Variants in FGFR2 observed in about 807,000 individuals in gnomAD.
FGFR2 encodes BEK fibroblast growth factor receptor.
In FGFR2, 19 loss-of-function variants were observed where a neutral mutation model predicts 95.9. The ratio of observed to expected loss-of-function variants is 0.20; its 90% CI spans 0.14 to 0.29. FGFR2 has a LOEUF of 0.29. FGFR2 is among the 10% of genes least tolerant of loss of function. The pLI, the probability that FGFR2 is intolerant of heterozygous loss-of-function variation, is 1.00. For synonymous variants in FGFR2, 392 were observed against 393.3 expected (o/e 1.00, Z 0.04); for missense variants, 707 against 1,056.9 (o/e 0.67, Z 4.59).
rs779800206 is a variant in FGFR2, at chr10:121,593,883, T to C, written c.-66A>G. ...GTGGACGTTAATCCCATCTGCACAC[T>C]TCCTCTACGGGCATGGACTACGCGC... On this transcript the variant is annotated 5_prime_UTR_variant, in exon 2 of 18. Transcript: ENST00000358487. The C allele has an allele frequency of 2.1e-6, 3 of 1,448,552 alleles. No homozygotes were observed. Among genetic ancestry groups the C allele is most frequent in the South Asian group, 1.1e-5 (1 of 87,720 alleles). The allele number at this position is 1,448,552 out of a possible 1,614,324, so 89.7% of individuals were successfully genotyped here.
chr10:121,540,335 G>A (rs910694940), intron 5 of FGFR2, among the ~76,000 whole-genome samples: 6 of 152,154 alleles, frequency 3.9e-5, no homozygotes, highest in African/African-American at 7.2e-5. Flanking sequence ...ACAAAGACTC[G>A]CTTTCTGCTC....
intron 4 of FGFR2, among the ~76,000 whole-genome samples, chr10:121,555,678 A>G (rs1856033940): frequency 6.6e-6 from 1 of 152,212 alleles, no homozygotes; most frequent in Non-Finnish European, 1.5e-5. Context: ...TGAGCTGGTT[A>G]AAGAACAGTC....
intron 8 of FGFR2, 85 bp from the exon 9 acceptor site, chr10:121,515,404 G>A: frequency 7.3e-7 from 1 of 1,363,194 alleles, no homozygotes; most frequent in Non-Finnish European, 1.0e-6. Flanking sequence ...CACAACCAAA[G>A]GAACCAAAAG....
intron 2 of FGFR2, among the ~76,000 whole-genome samples, chr10:121,591,394 G>A (rs1052211118): frequency 1.2e-4 from 19 of 152,188 alleles, no homozygotes; most frequent in African/African-American, 4.6e-4. Context: ...GGCGACAACG[G>A]CGACAAGGCC....
chr10:121,562,601 A>T (rs1383384994), intron 4 of FGFR2, among the ~76,000 whole-genome samples: 1 of 152,206 alleles, frequency 6.6e-6, no homozygotes, highest in Non-Finnish European at 1.5e-5. Flanking sequence ...ATCTTTTAGT[A>T]GGTAAACGGG....
At chr10:121,508,944 T>C (rs970802466) in intron 9 of FGFR2, among the ~76,000 whole-genome samples, 2 of 152,238 alleles carry the variant, frequency 1.3e-5, no homozygotes, top group Admixed American at 1.3e-4. Flanking sequence ...GAGCCTGTGT[T>C]GGGGGCTTGG....
Position 121,488,039 on chromosome 10 carries a change from T to A in FGFR2, c.1938A>T (p.Gly646=), listed in dbSNP as rs2133836733. 1 of 1,614,146 alleles carries A rather than the reference T, an allele frequency of 6.2e-7. No homozygotes were observed. Among genetic ancestry groups the A allele is most frequent in the Non-Finnish European group, 8.5e-7 (1 of 1,180,020 alleles). Residue 646 remains glycine, a synonymous_variant, in exon 14 of 18, where the codon GGA becomes GGT. Transcript: ENST00000358487. ...CTATATTGTTGATATCTCTGGCGAGTCCAAAGTCTGCTATTTTCATCACAT... is the reference window on the plus strand; with the variant it reads ...CTATATTGTTGATATCTCTGGCGAGACCAAAGTCTGCTATTTTCATCACAT... ...ENNVMKIADF[G]LARDINNIDY...
rs1304905907 is a variant in FGFR2 at position 121,478,723 on chromosome 10, C to G, written c.*1134G>C. 4.3e-6 allele frequency: 1 copy of G among 233,470 alleles called. No individual in the cohort carries two copies. Among genetic ancestry groups the G allele is most frequent in the African/African-American group, 2.2e-5 (1 of 45,346 alleles). 14.5% of individuals were successfully genotyped at this position (233,470 alleles called of 1,614,324 possible). ...ACTTGAAGATCCTAACAGGCGTCTC[C>G]AACGCCAAAGAGTCTGGAAGCCATT... On this transcript the variant is annotated 3_prime_UTR_variant, in exon 18 of 18. Coordinates refer to ENST00000358487, the MANE Select transcript of FGFR2 (RefSeq NM_000141.5).
intron 7 of FGFR2, 121 bp downstream of exon 7, chr10:121,519,858 G>T: frequency 1.1e-6 from 1 of 899,414 alleles, no homozygotes; most frequent in Non-Finnish European, 1.8e-6. Context: ...AACACTCTCT[G>T]CTGGCTAGTC....
chr10:121,484,071 G>A (rs1261550024), intron 16 of FGFR2, among the ~76,000 whole-genome samples: 1 of 151,960 alleles, frequency 6.6e-6, no homozygotes, highest in Non-Finnish European at 1.5e-5. Context: ...GTAACCCTGG[G>A]CCACAGTGAC....
Position 121,479,908 on chromosome 10 carries a change from G to A in FGFR2, c.2415C>T (p.Tyr805=), listed in dbSNP as rs558460047. ...GTGGATACTGAGGAAGGCATGGTTC[G>A]TAAGGCATGGGGTCTGGAGAAAAAA... ...DSVFSPDPMP[Y]EPCLPQYPHI... is the part of the protein sequence containing the mutation. The change falls in exon 18 of 18, where the codon TAC becomes TAT. Residue 805 remains tyrosine, a synonymous_variant. Coordinates refer to ENST00000358487, the MANE Select transcript of FGFR2 (RefSeq NM_000141.5). 223 of 1,614,106 alleles carry A rather than the reference G, an allele frequency of 1.4e-4. 2 individuals carry two copies. The South Asian group carries it at 1.9e-3, about 14-fold the overall frequency.
chr10:121,481,389 GACACAC>G (rs71868012), intron 17 of FGFR2, among the ~76,000 whole-genome samples: 4,686 of 149,824 alleles, frequency 0.031, 96 homozygotes, highest in African/African-American at 0.05. Flanking sequence ...CATTTTTAAA[GACACAC>G]ACACACACAC....
chr10:121,481,107 C>T (rs1023874842), intron 17 of FGFR2, among the ~76,000 whole-genome samples: 6 of 152,010 alleles, frequency 3.9e-5, no homozygotes, highest in Admixed American at 6.6e-5. Context: ...ACCACAGGGC[C>T]GGCAAAGCTG....
chr10:121,586,140 G>T (rs1861794295), intron 2 of FGFR2, among the ~76,000 whole-genome samples: 1 of 152,162 alleles, frequency 6.6e-6, no homozygotes. Flanking sequence ...ACAGTAAACT[G>T]TCAGGTATAC....
intron 4 of FGFR2, among the ~76,000 whole-genome samples, chr10:121,561,828 T>C (rs1221555375): frequency 1.3e-5 from 2 of 152,148 alleles, no homozygotes; most frequent in Non-Finnish European, 1.5e-5. Context: ...TACAAAGAAC[T>C]CTTATAACTC....
At chr10:121,480,231 T>G (rs1844501948) in intron 17 of FGFR2, 1 of 682,026 alleles carries the variant, frequency 1.5e-6, no homozygotes, top group Admixed American at 2.0e-5. Context: ...CCCACCTGAC[T>G]TCCACGAAGA....
intron 6 of FGFR2, chr10:121,526,775 G>T (rs752041156): frequency 3.0e-5 from 12 of 398,498 alleles, no homozygotes; most frequent in Non-Finnish European, 8.8e-6. Flanking sequence ...TCACTGGTTT[G>T]TTGCCCTTTC....
chr10:121,518,452 G>A lies in FGFR2; in HGVS notation c.940-989C>T, dbSNP rs537228301. ...AACAACTTAAAAACTGGGTGGGGGT[G>A]GAGGCTAATCTCTAGAAGAAATTGG... On this transcript the variant is annotated intron_variant, in intron 7 of 17. Transcript: ENST00000358487. The surrounding 1 kb of genome is among the most constrained non-coding windows in gnomAD (Gnocchi z 4.0). Among the ~76,000 whole-genome samples, 55 of 152,254 alleles carry A rather than the reference G, an allele frequency of 3.6e-4. No individual in the cohort carries two copies. The highest frequency in any genetic ancestry group is 1.3e-3 in the African/African-American group (53 of 41,560).
At chr10:121,528,949 T>C (rs924538198) in intron 6 of FGFR2, among the ~76,000 whole-genome samples, 3 of 152,184 alleles carry the variant, frequency 2.0e-5, no homozygotes, top group Admixed American at 1.3e-4. Context: ...TATTTTGAGA[T>C]GGAGTCTCGC....
Sources: gnomAD v4.1 joint callset for allele counts (sites outside exome capture counted in the v4.1 genomes callset) on GRCh38, gnomAD v4.1.1 for gene constraint, Gnocchi (gnomAD v3.1) non-coding constraint, MANE v1.5 for transcripts, NCBI Gene and HGNC (gene_info 2026-07-23, HGNC 2026-07-21) for gene names.